Variants in DMXL1 observed in about 807,000 individuals in gnomAD.
DMXL1 encodes Dmx like 1.
Under a neutral mutation model 319.2 loss-of-function variants are expected in DMXL1, and 99 were observed. The observed-to-expected ratio is 0.31, with a 90% CI of 0.26 to 0.37. The LOEUF (loss-of-function observed/expected upper bound fraction) is 0.37. DMXL1 is among the 10% of genes least tolerant of loss of function. The pLI, the probability that DMXL1 is intolerant of heterozygous loss-of-function variation, is 1.00. For synonymous variants in DMXL1, 1,385 were observed against 1,235.2 expected (o/e 1.12, Z -2.54); for missense variants, 3,745 against 3,595.6 (o/e 1.04, Z -1.06).
At chr5:119,129,982 G>T (rs969849021) in intron 10 of DMXL1, among the ~76,000 whole-genome samples, 3 of 152,186 alleles carry the variant, frequency 2.0e-5, no homozygotes, top group African/African-American at 7.2e-5. Flanking sequence ...CACAGGGCCC[G>T]TGTAGTTCCT....
intron 25 of DMXL1, among the ~76,000 whole-genome samples, chr5:119,174,589 C>T (rs1342205615): frequency 6.6e-6 from 1 of 152,364 alleles, no homozygotes. Flanking sequence ...TGGCATACTT[C>T]ACAATCAGAT....
chr5:119,197,881 C>A lies in DMXL1; in HGVS notation c.7670C>A (p.Ala2557Asp), dbSNP rs190613227. 6.2e-7 allele frequency: 1 copy of A among 1,614,208 alleles called. No individual in the cohort carries two copies. Among genetic ancestry groups the A allele is most frequent in the South Asian group, 1.1e-5 (1 of 91,086 alleles). Residue 2557 changes from alanine to aspartate, a missense_variant, in exon 32 of 44, where the codon GCC (alanine) becomes GAC (aspartate). Ala to Asp is a moderately radical substitution (Grantham distance 126). This residue lies in a region of DMXL1 where 1,382 missense variants were observed against 1,269.5 expected (regional missense o/e 1.09). Transcript: ENST00000539542. ...CAAAATTATATCGCAAGTCATACCG[C>A]CGAAGAGAGTTTGTCTGCAGGTCCT... ...PPQNYIASHT[A>D]EESLSAGPAI...
At chr5:119,097,836 A>AT (rs748470667) in intron 1 of DMXL1, 143 bp from the exon 2 acceptor site, 7,330 of 700,072 alleles carry the variant, frequency 0.01, 71 homozygotes, top group African/African-American at 0.038. Context: ...CCAAATGTAG[A>AT]TTTTTTTTTT....
chr5:119,143,950 G>C lies in DMXL1; in HGVS notation c.2466+20G>C. On this transcript the variant is annotated intron_variant, in intron 14 of 43. Transcript: ENST00000539542. ...AAACTTGTAAGTATTAATTTTGGGG[G>C]GGAGGTATATTAAAAAAAAGTTTAT... 1 of 1,449,948 alleles carries C rather than the reference G, an allele frequency of 6.9e-7. No homozygotes were observed. Among genetic ancestry groups the C allele is most frequent in the Non-Finnish European group, 9.4e-7 (1 of 1,067,262 alleles). 89.8% of individuals were successfully genotyped at this position (1,449,948 alleles called of 1,614,324 possible).
In DMXL1 at chr5:119,163,826, C is replaced by T. The variant is rs199818071; in HGVS notation, c.4703-681C>T. Among the ~76,000 whole-genome samples, 80 of 152,252 alleles carry T rather than the reference C, an allele frequency of 5.3e-4. 1 individual carries two copies. The highest frequency in any genetic ancestry group is 1.8e-3 in the African/African-American group (74 of 41,550). On this transcript the variant is annotated intron_variant, in intron 19 of 43. Transcript: ENST00000539542. ...TCCTGACCTCGTGATCCGCCCGCCT[C>T]GGCCTCCCAAAGTGCTGGGATTACA... is the stretch of plus-strand genomic sequence containing the variant.
intron 1 of DMXL1, among the ~76,000 whole-genome samples, chr5:119,090,705 G>GGT (rs1754598714): frequency 1.3e-5 from 2 of 151,676 alleles, no homozygotes; most frequent in Non-Finnish European, 2.9e-5. Flanking sequence ...TGGGATTACC[G>GGT]GCGCCTGCTA....
chr5:119,151,590 G>C (rs944474293), intron 18 of DMXL1, among the ~76,000 whole-genome samples: 15 of 152,000 alleles, frequency 9.9e-5, no homozygotes, highest in South Asian at 2.1e-4. Flanking sequence ...TGTATGATTC[G>C]AACAAACTGT....
At chr5:119,107,204 G>T (rs1171496024) in intron 4 of DMXL1, among the ~76,000 whole-genome samples, 1 of 152,064 alleles carries the variant, frequency 6.6e-6, no homozygotes, top group Non-Finnish European at 1.5e-5. Flanking sequence ...AGTCAGGCTT[G>T]GTGGCTGGCA....
At position 119,150,406 on chromosome 5, in the gene DMXL1, C is replaced by A. The variant is rs187683009; in HGVS notation, c.4579C>A (p.Arg1527=). The change falls in exon 18 of 44, where the codon CGA becomes AGA. Residue 1527 remains arginine (R), a synonymous_variant. Transcript: ENST00000539542. Reference sequence around the variant, plus strand: ...TACAAGCACTGATATTGGAGAAAGCCGAGACAGAAGCCAAGGTAAAACTAA... The same window carrying A: ...TACAAGCACTGATATTGGAGAAAGCAGAGACAGAAGCCAAGGTAAAACTAA... ...ATTSTDIGES[R]DRSQGGETLD... is the part of the protein sequence containing the mutation. The A allele has an allele frequency of 9.9e-6, 16 of 1,609,962 alleles. No homozygotes were observed. The highest frequency in any genetic ancestry group is 8.5e-5 in the Admixed American group (5 of 59,088).
chr5:119,130,071 T>C (rs1444195932), intron 10 of DMXL1, among the ~76,000 whole-genome samples: 2 of 152,150 alleles, frequency 1.3e-5, no homozygotes, highest in African/African-American at 4.8e-5. Context: ...TGACAGTCTG[T>C]GGTTCATAAA....
At chr5:119,116,030 C>G (rs1255443355) in intron 6 of DMXL1, 128 bp from the exon 7 acceptor site, 1 of 800,010 alleles carries the variant, frequency 1.2e-6, no homozygotes, top group Non-Finnish European at 1.9e-6. Flanking sequence ...TTCTTAATTC[C>G]TCTGTGCTCA....
At chr5:119,191,727 G>T (rs895387831) in intron 29 of DMXL1, among the ~76,000 whole-genome samples, 35 of 151,980 alleles carry the variant, frequency 2.3e-4, no homozygotes, top group Non-Finnish European at 3.7e-4. Flanking sequence ...AATGCCTGTG[G>T]GCCTAGAATT....
intron 35 of DMXL1, among the ~76,000 whole-genome samples, chr5:119,218,281 T>G (rs1474961227): frequency 6.6e-6 from 1 of 152,120 alleles, no homozygotes; most frequent in African/African-American, 2.4e-5. Context: ...AAATAGTCTG[T>G]GCTATAAAAG....
At chr5:119,172,061 C>A in intron 25 of DMXL1, 92 bp downstream of exon 25, 1 of 1,189,542 alleles carries the variant, frequency 8.4e-7, no homozygotes, top group African/African-American at 1.6e-5. Flanking sequence ...TAATTTTAAA[C>A]ATCAGACTAA....
At chr5:119,228,040 T>C (rs1785922673) in intron 38 of DMXL1, among the ~76,000 whole-genome samples, 1 of 152,208 alleles carries the variant, frequency 6.6e-6, no homozygotes, top group Non-Finnish European at 1.5e-5. Context: ...CCTAGCAATG[T>C]TTCAAAACCA....
intron 9 of DMXL1, chr5:119,128,165 T>G (rs1764020802): frequency 2.0e-6 from 1 of 491,934 alleles, no homozygotes; most frequent in South Asian, 1.5e-5. Context: ...ATTAAAACTT[T>G]GCATAGTTCC....
chr5:119,111,353 G>C (rs1232166465), intron 5 of DMXL1, among the ~76,000 whole-genome samples: 1 of 152,050 alleles, frequency 6.6e-6, no homozygotes, highest in African/African-American at 2.4e-5. Flanking sequence ...CAAAAATTTA[G>C]TATTAAAAAT....
intron 2 of DMXL1, chr5:119,100,707 G>A (rs1580699758): frequency 6.7e-6 from 1 of 148,580 alleles, no homozygotes; most frequent in African/African-American, 2.5e-5. Flanking sequence ...CTCTCTTCTT[G>A]GTGGGATGGT....
At chr5:119,200,251 T>G (rs1257888142) in intron 32 of DMXL1, among the ~76,000 whole-genome samples, 1 of 152,210 alleles carries the variant, frequency 6.6e-6, no homozygotes, top group African/African-American at 2.4e-5. Context: ...GATTTTTGTG[T>G]ATGTTGCAAG....
Sources: gnomAD v4.1 joint callset for allele counts (sites outside exome capture counted in the v4.1 genomes callset) on GRCh38, gnomAD v4.1.1 for gene constraint, gnomAD v4.1.1 regional missense constraint, MANE v1.5 for transcripts, NCBI Gene and HGNC (gene_info 2026-07-23, HGNC 2026-07-21) for gene names.